The following SLC49A4 variants were observed in gnomAD, a reference collection of about 807,000 sequenced individuals.
The protein encoded by SLC49A4 is disrupted in renal cancer protein 2.
In SLC49A4, 36 loss-of-function variants were observed where a neutral mutation model predicts 50.6. That is an observed-to-expected ratio of 0.71 (90% CI 0.55 to 0.94). The LOEUF (loss-of-function observed/expected upper bound fraction) is 0.94. Among genes scored for constraint, SLC49A4 ranks in the 40% least tolerant of loss-of-function variants. The pLI is 0.00. For missense variants in SLC49A4, 503 were observed against 605.7 expected (o/e 0.83, Z 1.78); for synonymous variants, 248 against 241.2 (o/e 1.03, Z -0.26).
chr3:122,824,761 C>G (rs1236235443), intron 2 of SLC49A4, among the ~76,000 whole-genome samples: 2 of 85,814 alleles, frequency 2.3e-5, no homozygotes, highest in African/African-American at 9.4e-5. Context: ...GAGACAAAAT[C>G]TTGCTCTGTC....
At chr3:122,811,386 C>T (rs1936295980) in intron 2 of SLC49A4, among the ~76,000 whole-genome samples, 1 of 152,252 alleles carries the variant, frequency 6.6e-6, no homozygotes, top group Non-Finnish European at 1.5e-5. Flanking sequence ...AAATAGCAGA[C>T]AGATGTCTAT....
intron 6 of SLC49A4, among the ~76,000 whole-genome samples, chr3:122,857,915 T>G (rs986515165): frequency 1.3e-5 from 2 of 152,184 alleles, no homozygotes; most frequent in African/African-American, 4.8e-5. Context: ...TAACTAGATA[T>G]AGATATAATT....
At chr3:122,866,409 C>T (rs1937121452) in intron 7 of SLC49A4, among the ~76,000 whole-genome samples, 1 of 152,090 alleles carries the variant, frequency 6.6e-6, no homozygotes, top group African/African-American at 2.4e-5. Context: ...TATTCATCTA[C>T]TTAAATGAAC....
intron 2 of SLC49A4, among the ~76,000 whole-genome samples, chr3:122,822,151 A>G (rs779166855): frequency 1.9e-4 from 29 of 152,188 alleles, no homozygotes; most frequent in African/African-American, 2.2e-4. Context: ...AATGATGACA[A>G]ACAATTAATA....
intron 8 of SLC49A4, among the ~76,000 whole-genome samples, chr3:122,876,140 A>C (rs1937263773): frequency 2.6e-5 from 4 of 152,224 alleles, no homozygotes; most frequent in Admixed American, 2.6e-4. Context: ...AATCCCATTG[A>C]GTTGACATAG....
chr3:122,834,768 A>T (rs1229160981), intron 4 of SLC49A4, among the ~76,000 whole-genome samples: 1 of 152,186 alleles, frequency 6.6e-6, no homozygotes, highest in African/African-American at 2.4e-5. Flanking sequence ...TAAAACAAAA[A>T]GTTGGCTATT....
intron 8 of SLC49A4, 73 bp from the exon 9 acceptor site, chr3:122,879,190 C>G (rs577818399): frequency 2.8e-6 from 3 of 1,072,432 alleles, no homozygotes; most frequent in African/African-American, 1.6e-5. Flanking sequence ...AGAGCAGATT[C>G]CTTCCGGCAT....
At chr3:122,865,550 T>C (rs1464385562) in intron 7 of SLC49A4, among the ~76,000 whole-genome samples, 1 of 152,222 alleles carries the variant, frequency 6.6e-6, no homozygotes, top group Non-Finnish European at 1.5e-5. Flanking sequence ...TGTACACACA[T>C]ACATGTGTAT....
chr3:122,845,540 C>A (rs1043153135), intron 4 of SLC49A4, among the ~76,000 whole-genome samples: 1 of 150,320 alleles, frequency 6.7e-6, no homozygotes, highest in Non-Finnish European at 1.5e-5. Context: ...TCCATGGTGG[C>A]TGAACCAATT....
At chr3:122,806,171 A>G (rs1157454746) in intron 1 of SLC49A4, among the ~76,000 whole-genome samples, 2 of 152,110 alleles carry the variant, frequency 1.3e-5, no homozygotes, top group Non-Finnish European at 2.9e-5. Flanking sequence ...TTTTATTAGC[A>G]GCTTACATTT....
intron 4 of SLC49A4, among the ~76,000 whole-genome samples, chr3:122,840,498 TTAA>T (rs1936756354): frequency 6.6e-6 from 1 of 152,256 alleles, no homozygotes; most frequent in African/African-American, 2.4e-5. Flanking sequence ...ATAAGTAAAA[TTAA>T]TAAGTAAAAT....
In SLC49A4 at chr3:122,810,681, C is replaced by A. The variant is rs147445874; in HGVS notation, c.437+3731C>A. Among the ~76,000 whole-genome samples the A allele has an allele frequency of 9.2e-5, 14 of 152,258 alleles. No homozygotes were observed. The East Asian group carries it at 2.5e-3, about 27-fold the overall frequency. On this transcript the variant is annotated intron_variant, in intron 2 of 8. Transcript: ENST00000261038. The stretch of plus-strand genomic sequence containing the variant: ...CACATGCCACATTATCTTTTCAGTT[C>A]GGTGTAATTTTCATTAATATTAACA...
chr3:122,859,876 G>A (rs534506546), intron 6 of SLC49A4, among the ~76,000 whole-genome samples, 199 bp from the exon 7 acceptor site: 3 of 151,912 alleles, frequency 2.0e-5, no homozygotes, highest in African/African-American at 4.8e-5. Context: ...CAAAGATGCC[G>A]TTTTTTGTGT....
chr3:122,856,644 C>T (rs941134023), intron 6 of SLC49A4, among the ~76,000 whole-genome samples: 1 of 151,972 alleles, frequency 6.6e-6, no homozygotes, highest in Non-Finnish European at 1.5e-5. Flanking sequence ...CAAGACCAGC[C>T]TGGCCAACAC....
At chr3:122,876,485 A>G (rs967872362) in intron 8 of SLC49A4, among the ~76,000 whole-genome samples, 8 of 152,234 alleles carry the variant, frequency 5.3e-5, no homozygotes, top group Non-Finnish European at 8.8e-5. Flanking sequence ...GTAATTTTAT[A>G]TCTAAGAAGC....
chr3:122,807,072 T>G (rs1936230227), intron 2 of SLC49A4, 122 bp downstream of exon 2: 1 of 550,262 alleles, frequency 1.8e-6, no homozygotes, highest in Non-Finnish European at 3.2e-6. Flanking sequence ...ATATGATGAT[T>G]AATTTAATTG....
chr3:122,833,247 CAAAT>C, intron 3 of SLC49A4, 66 bp from the exon 4 acceptor site: 1 of 1,502,356 alleles, frequency 6.7e-7, no homozygotes. Flanking sequence ...TTTCAAAAAA[CAAAT>C]AAATACTTGA....
chr3:122,859,873 GCCGTTTTTTGTGTTTT>G (rs1937035798), intron 6 of SLC49A4, among the ~76,000 whole-genome samples, 186 bp from the exon 7 acceptor site: 3 of 152,002 alleles, frequency 2.0e-5, no homozygotes, highest in African/African-American at 7.3e-5. Context: ...GAACAAAGAT[GCCGTTTTTTGTGTTTT>G]ATAAGAGAAA....
At chr3:122,799,910 G>A (rs1936106016) in intron 1 of SLC49A4, among the ~76,000 whole-genome samples, 1 of 152,188 alleles carries the variant, frequency 6.6e-6, no homozygotes, top group Non-Finnish European at 1.5e-5. Context: ...AATTTACTAA[G>A]TTGTGTAAGA....
Sources: gnomAD v4.1 joint callset for allele counts (sites outside exome capture counted in the v4.1 genomes callset) on GRCh38, gnomAD v4.1.1 for gene constraint, MANE v1.5 for transcripts, NCBI Gene and HGNC (gene_info 2026-07-23, HGNC 2026-07-21) for gene names.